The following KAZN variants were observed in gnomAD, a reference collection of about 807,000 sequenced individuals.
The protein encoded by KAZN is kazrin, periplakin interacting protein.
Under a neutral mutation model 87.4 loss-of-function variants are expected in KAZN, and 40 were observed. The ratio of observed to expected loss-of-function variants is 0.46; its 90% CI spans 0.36 to 0.60. KAZN has a LOEUF of 0.60. KAZN is among the 20% of genes least tolerant of loss of function. The probability of loss-of-function intolerance (pLI) is 0.00; values close to 1 mark genes in which losing one functional copy is unlikely to be tolerated. For missense variants in KAZN, 898 were observed against 1,073.9 expected (o/e 0.84, Z 2.29); for synonymous variants, 466 against 458.3 (o/e 1.02, Z -0.22).
At chr1:14,424,981 G>A (rs1317062662) in intron 2 of KAZN, among the ~76,000 whole-genome samples, 1 of 152,196 alleles carries the variant, frequency 6.6e-6, no homozygotes, top group Non-Finnish European at 1.5e-5. Context: ...AGAAAGTTAT[G>A]CAAAAGCACA....
rs1270140308 is a variant in KAZN at position 14,248,936 on chromosome 1, C to T, written c.249+68344C>T. The stretch of plus-strand genomic sequence containing the variant: ...TAGTCCGCCATACTGGGAGGAAGCC[C>T]AAGCCAGTCACATGGAAAGGCCATG... On this transcript the variant is annotated intron_variant, in intron 2 of 16. Transcript: ENST00000636203. Among the ~76,000 whole-genome samples the T allele has an allele frequency of 3.9e-5, 6 of 152,154 alleles. No homozygotes were observed. The South Asian group carries it at 1.2e-3, about 31-fold the overall frequency.
chr1:14,948,726 G>C (rs78567892), intron 1 of KAZN, among the ~76,000 whole-genome samples: 4 of 152,236 alleles, frequency 2.6e-5, no homozygotes, highest in African/African-American at 9.6e-5. Flanking sequence ...GCAGTAGCAT[G>C]GAGGCTCAGC....
At chr1:14,887,834 T>G (rs2101138610) in intron 1 of KAZN, among the ~76,000 whole-genome samples, 1 of 152,258 alleles carries the variant, frequency 6.6e-6, no homozygotes, top group Non-Finnish European at 1.5e-5. Context: ...ATAATGATCT[T>G]TATCATTAGG....
chr1:14,445,268 C>T (rs959888969), intron 2 of KAZN, among the ~76,000 whole-genome samples: 3 of 152,056 alleles, frequency 2.0e-5, no homozygotes, highest in Non-Finnish European at 2.9e-5. Flanking sequence ...TCAGGTGATC[C>T]GCCCATCTCA....
At chr1:14,862,218 C>T (rs551301296) in intron 1 of KAZN, among the ~76,000 whole-genome samples, 3 of 152,318 alleles carry the variant, frequency 2.0e-5, no homozygotes, top group Admixed American at 6.5e-5. Flanking sequence ...CACTTGACAA[C>T]GGCCATAACA....
intron 1 of KAZN, among the ~76,000 whole-genome samples, chr1:13,919,291 A>G (rs546038429): frequency 6.6e-6 from 1 of 152,222 alleles, no homozygotes; most frequent in African/African-American, 2.4e-5. Flanking sequence ...TTGACCTTAG[A>G]TGAATGGAAT....
intron 1 of KAZN, among the ~76,000 whole-genome samples, chr1:14,607,249 A>G (rs985141184): frequency 1.3e-5 from 2 of 152,224 alleles, no homozygotes; most frequent in African/African-American, 4.8e-5. Context: ...TAATACCTCA[A>G]CGAATCCTTT....
At chr1:14,269,185 A>T (rs920067762) in intron 2 of KAZN, among the ~76,000 whole-genome samples, 1 of 152,140 alleles carries the variant, frequency 6.6e-6, no homozygotes, top group African/African-American at 2.4e-5. Context: ...GGGGATTTAG[A>T]TATTACAATT....
intron 2 of KAZN, among the ~76,000 whole-genome samples, chr1:14,508,060 C>A (rs543203451): frequency 8.5e-5 from 13 of 152,060 alleles, no homozygotes; most frequent in African/African-American, 3.1e-4. Context: ...TTCTTGTGAC[C>A]CCCCAGTACC....
rs1198017172 is a variant in KAZN, at chr1:14,664,667, T to C, written c.226+65444T>C. Reference sequence around the variant, plus strand: ...TTTCTTTTTCTCTTTTTTTTTTTTTTTTCTGAGACAGAGTCTCGCTCTGTC... The same window carrying C: ...TTTCTTTTTCTCTTTTTTTTTTTTTCTTCTGAGACAGAGTCTCGCTCTGTC... On this transcript the variant is annotated intron_variant, in intron 1 of 14. Transcript: ENST00000376030. Among the ~76,000 whole-genome samples the C allele has an allele frequency of 2.0e-5, 3 of 151,208 alleles. 1 individual carries two copies. The highest frequency in any genetic ancestry group is 3.0e-5 in the Non-Finnish European group (2 of 67,742).
At chr1:14,497,224 CAGAT>C (rs1669988948) in intron 2 of KAZN, among the ~76,000 whole-genome samples, 1 of 145,234 alleles carries the variant, frequency 6.9e-6, no homozygotes, top group Admixed American at 7.4e-5. Flanking sequence ...TAAGCAGAGA[CAGAT>C]AGGAGAAAGT....
intron 2 of KAZN, among the ~76,000 whole-genome samples, chr1:14,343,532 C>G (rs1402289115): frequency 2.0e-5 from 3 of 152,152 alleles, no homozygotes; most frequent in South Asian, 4.2e-4. Context: ...GGTTTTCCAC[C>G]TCCCTGTGGC....
At chr1:14,005,756 G>A (rs1360245518) in intron 1 of KAZN, among the ~76,000 whole-genome samples, 1 of 152,102 alleles carries the variant, frequency 6.6e-6, no homozygotes, top group Non-Finnish European at 1.5e-5. Context: ...CTTTAGGAAG[G>A]GGCAGGAATG....
chr1:14,514,344 T>TA lies in KAZN; in HGVS notation c.250-84639_250-84638insA, dbSNP rs1553182416. ...TGTCTCAAAAAATTTATATATATAT[T>TA]TATATATATTATATATATATTTATA... On this transcript the variant is annotated intron_variant, in intron 2 of 16. Coordinates refer to the KAZN transcript ENST00000636203. 1.6e-3 allele frequency among the ~76,000 whole-genome samples: 32 copies of TA among 19,640 alleles called. 1 individual carries two copies. Among genetic ancestry groups the TA allele is most frequent in the African/African-American group, 5.9e-3 (31 of 5,254 alleles). The allele number at this position is 19,640 out of a possible 152,430, so 12.9% of individuals were successfully genotyped here.
At chr1:13,995,247 G>T in intron 1 of KAZN, among the ~76,000 whole-genome samples, 1 of 128,338 alleles carries the variant, frequency 7.8e-6, no homozygotes, top group African/African-American at 2.7e-5. Context: ...CCTAATGATT[G>T]GGAAAAAAGA....
rs1023617333 is a variant in KAZN, at chr1:15,114,254, G to T, written c.2164-217G>T. The stretch of plus-strand genomic sequence containing the variant: ...CCTTGGTAACCAACTGAATCCTTCC[G>T]GGGGCAGGGGGACACAAAGCTCTCC... On this transcript the variant is annotated intron_variant, in intron 14 of 14. Coordinates refer to ENST00000376030, the MANE Select transcript of KAZN (RefSeq NM_201628.3). 17 of 497,030 alleles carry T rather than the reference G, an allele frequency of 3.4e-5. 1 individual carries two copies. The highest frequency in any genetic ancestry group is 2.3e-4 in the African/African-American group (12 of 51,770). 30.8% of individuals were successfully genotyped at this position (497,030 alleles called of 1,614,324 possible).
chr1:14,959,678 C>G lies in KAZN; in HGVS notation c.227-1006C>G, dbSNP rs886786367. Among the ~76,000 whole-genome samples the G allele has an allele frequency of 2.6e-5, 4 of 152,188 alleles. No individual in the cohort carries two copies. In the South Asian group the frequency reaches 8.3e-4, roughly 32 times the overall value. ...GAGGTTTCCTCCTTCTCTTAATGCA[C>G]TCTCCTAAGAGTTATGCAGAGGTAC... is the stretch of plus-strand genomic sequence containing the variant. On this transcript the variant is annotated intron_variant, in intron 1 of 14. Coordinates refer to ENST00000376030, the MANE Select transcript of KAZN (RefSeq NM_201628.3).
chr1:14,810,352 T>C (rs1347204217), intron 1 of KAZN, among the ~76,000 whole-genome samples: 2 of 152,114 alleles, frequency 1.3e-5, no homozygotes, highest in African/African-American at 4.8e-5. Flanking sequence ...ATTTCTCTTA[T>C]TTTGTTTATT....
chr1:13,936,727 A>G lies in KAZN; in HGVS notation c.91+42971A>G, dbSNP rs183889550. ...ATTTCATTCTTTTTAATGGCTGGGTAGTATTCCATGGTGTATGTATATGTG... is the reference window on the plus strand; with the variant it reads ...ATTTCATTCTTTTTAATGGCTGGGTGGTATTCCATGGTGTATGTATATGTG... On this transcript the variant is annotated intron_variant, in intron 1 of 16. Coordinates refer to the KAZN transcript ENST00000636203. Among the ~76,000 whole-genome samples the G allele has an allele frequency of 2.6e-5, 4 of 152,310 alleles. No homozygotes were observed. In the East Asian group the frequency reaches 5.8e-4, roughly 22 times the overall value.
Sources: allele counts gnomAD v4.1 joint callset (sites outside exome capture counted in the v4.1 genomes callset), GRCh38; gene constraint gnomAD v4.1.1; transcripts MANE v1.5; gene names NCBI Gene and HGNC (gene_info 2026-07-23, HGNC 2026-07-21).